The following CALCOCO2 variants were observed in gnomAD, a reference collection of about 807,000 sequenced individuals.
CALCOCO2 encodes the protein calcium binding and coiled-coil domain 2.
A neutral mutation model predicts 62.5 loss-of-function variants in CALCOCO2; 42 were observed. The ratio of observed to expected loss-of-function variants is 0.67; its 90% CI spans 0.53 to 0.87. The LOEUF (loss-of-function observed/expected upper bound fraction) is 0.87, where lower values mean the gene tolerates loss of function less well. Among genes scored for constraint, CALCOCO2 ranks in the 40% least tolerant of loss-of-function variants. The pLI, the probability that CALCOCO2 is intolerant of heterozygous loss-of-function variation, is 0.00. For synonymous variants in CALCOCO2, 167 were observed against 173.0 expected, an observed-to-expected ratio of 0.97 and a Z score of 0.27; for missense variants, 456 against 515.0, an observed-to-expected ratio of 0.89 and a Z score of 1.11.
chr17:48,859,086 A>G (rs2040288605), intron 10 of CALCOCO2, among the ~76,000 whole-genome samples: 1 of 145,150 alleles, frequency 6.9e-6, no homozygotes, highest in African/African-American at 2.5e-5. Context: ...ACTGTAGTAA[A>G]GCCCTCTTAA....
At chr17:48,838,901 G>A (rs1030131997) in intron 1 of CALCOCO2, among the ~76,000 whole-genome samples, 4 of 151,904 alleles carry the variant, frequency 2.6e-5, no homozygotes, top group African/African-American at 4.8e-5. Context: ...TGAGAATTAC[G>A]GACTCACTAA....
intron 7 of CALCOCO2, 129 bp from the exon 8 acceptor site, chr17:48,852,377 A>C: frequency 1.3e-6 from 1 of 743,040 alleles, no homozygotes; most frequent in Non-Finnish European, 2.2e-6. Flanking sequence ...GATTTGTCTA[A>C]TTTTACTCAG....
intron 10 of CALCOCO2, among the ~76,000 whole-genome samples, chr17:48,857,198 CTTTT>C (rs34508915): frequency 3.1e-5 from 4 of 128,136 alleles, no homozygotes; most frequent in Admixed American, 8.1e-5. Context: ...CATCTTTACC[CTTTT>C]TTTTTTTTTT....
At chr17:48,840,787 C>G (rs1009419380) in intron 1 of CALCOCO2, among the ~76,000 whole-genome samples, 1 of 152,122 alleles carries the variant, frequency 6.6e-6, no homozygotes, top group Admixed American at 6.5e-5. Flanking sequence ...ACTCCTCTAT[C>G]CTCTCTATTG....
At chr17:48,834,584 T>G (rs2039865087) in intron 1 of CALCOCO2, among the ~76,000 whole-genome samples, 1 of 152,248 alleles carries the variant, frequency 6.6e-6, no homozygotes, top group Non-Finnish European at 1.5e-5. Flanking sequence ...CTCGTCCCAC[T>G]AATTTTTCAT....
rs1232447605 is a variant in CALCOCO2 at position 48,864,994 on chromosome 17, A to C, written c.*1989A>C. 4 of 152,192 alleles carry C rather than the reference A, an allele frequency of 2.6e-5. No homozygotes were observed. The highest frequency in any genetic ancestry group is 5.9e-5 in the Non-Finnish European group (4 of 68,056). The allele number at this position is 152,192 out of a possible 1,614,324, so 9.4% of individuals were successfully genotyped here. Reference sequence around the variant, plus strand: ...AGAGGAACAGTGGTGCACATAATCCAAATCAGTGAATACCATTTTCTGGTG... The same window carrying C: ...AGAGGAACAGTGGTGCACATAATCCCAATCAGTGAATACCATTTTCTGGTG... On this transcript the variant is annotated 3_prime_UTR_variant, in exon 13 of 13. Transcript: ENST00000258947.
At chr17:48,857,332 G>A (rs1316713018) in intron 10 of CALCOCO2, among the ~76,000 whole-genome samples, 1 of 151,158 alleles carries the variant, frequency 6.6e-6, no homozygotes, top group East Asian at 2.0e-4. Flanking sequence ...TGAGTAGCTG[G>A]GATTACAGGC....
intron 2 of CALCOCO2, among the ~76,000 whole-genome samples, chr17:48,844,865 T>A (rs1468518101): frequency 6.6e-6 from 1 of 151,816 alleles, no homozygotes; most frequent in Non-Finnish European, 1.5e-5. Flanking sequence ...TTTGTCCAGG[T>A]GCGGTGGCTC....
rs1438091893 is a variant in CALCOCO2 at position 48,856,080 on chromosome 17, T to G, written c.913-12T>G. ...ATGTGATCCTAATCCTAATTTTTTTTATTGTTGACAGGATGAAAACTTTGA... is the reference window on the plus strand; with the variant it reads ...ATGTGATCCTAATCCTAATTTTTTTGATTGTTGACAGGATGAAAACTTTGA... On this transcript the variant is annotated splice_polypyrimidine_tract_variant and intron_variant, in intron 9 of 12. Coordinates refer to ENST00000258947, the MANE Select transcript of CALCOCO2 (RefSeq NM_005831.5). 3 of 1,464,190 alleles carry G rather than the reference T, an allele frequency of 2.0e-6. No individual in the cohort carries two copies. The Admixed American group carries it at 5.3e-5, about 26-fold the overall frequency. 90.7% of individuals were successfully genotyped at this position (1,464,190 alleles called of 1,614,324 possible).
intron 1 of CALCOCO2, among the ~76,000 whole-genome samples, chr17:48,837,622 G>A (rs934647348): frequency 1.3e-5 from 2 of 152,078 alleles, no homozygotes; most frequent in South Asian, 2.1e-4. Context: ...CTCCAGCCTG[G>A]GGAACAGAGC....
chr17:48,845,225 G>A (rs932595008), intron 2 of CALCOCO2, among the ~76,000 whole-genome samples: 9 of 152,000 alleles, frequency 5.9e-5, no homozygotes, highest in Admixed American at 2.6e-4. Context: ...AGAAATAATC[G>A]TTAATCTGAA....
chr17:48,831,222 T>C (rs1598017868), intron 1 of CALCOCO2, 144 bp downstream of exon 1: 2 of 151,820 alleles, frequency 1.3e-5, no homozygotes, highest in Admixed American at 1.3e-4. Flanking sequence ...ATAGTGGGAG[T>C]GGTGTTCTGA....
chr17:48,861,037 G>A (rs941092525), intron 11 of CALCOCO2, among the ~76,000 whole-genome samples: 1 of 152,180 alleles, frequency 6.6e-6, no homozygotes, highest in Non-Finnish European at 1.5e-5. Context: ...GTTACAACCA[G>A]ATGTTTATAA....
intron 1 of CALCOCO2, among the ~76,000 whole-genome samples, chr17:48,840,386 C>T (rs1256931460): frequency 6.6e-5 from 10 of 151,516 alleles, no homozygotes; most frequent in Non-Finnish European, 1.3e-4. Context: ...CCGCCTCTGC[C>T]TTCCAAAGTG....
rs544453163 is a variant in CALCOCO2 at position 48,862,309 on chromosome 17, G to A, written c.1173+5G>A. 4 of 1,578,296 alleles carry A rather than the reference G, an allele frequency of 2.5e-6. No individual in the cohort carries two copies. The highest frequency in any genetic ancestry group is 3.5e-6 in the Non-Finnish European group (4 of 1,147,514). On this transcript the variant is annotated splice_donor_5th_base_variant and intron_variant, in intron 12 of 12. Transcript: ENST00000258947. Reference sequence around the variant, plus strand: ...GAAAGTTCTTCCCCCAGCCCGGTAAGTATTTGATTCATGAGAATATTCCCA... The same window carrying A: ...GAAAGTTCTTCCCCCAGCCCGGTAAATATTTGATTCATGAGAATATTCCCA...
Position 48,841,915 on chromosome 17 carries a change from T to A in CALCOCO2, c.180+28T>A, listed in dbSNP as rs745327976. 2.6e-6 allele frequency: 4 copies of A among 1,537,056 alleles called. No individual in the cohort carries two copies. In the African/African-American group the frequency reaches 5.5e-5, roughly 21 times the overall value. ...AAGTGGTTAATTCAGTACCAAGTGA[T>A]CAGGAACTAGAGGTGATTCTTAGTT... On this transcript the variant is annotated intron_variant, in intron 2 of 12. Coordinates refer to ENST00000258947, the MANE Select transcript of CALCOCO2 (RefSeq NM_005831.5).
intron 1 of CALCOCO2, among the ~76,000 whole-genome samples, chr17:48,841,049 G>T (rs2039968864): frequency 6.6e-6 from 1 of 152,022 alleles, no homozygotes; most frequent in South Asian, 2.1e-4. Context: ...GTTATTTTTA[G>T]CCCCAATTTA....
chr17:48,841,789 G>A lies in CALCOCO2; in HGVS notation c.82G>A (p.Val28Met). 1 of 1,613,436 alleles carries A rather than the reference G, an allele frequency of 6.2e-7. No homozygotes were observed. The highest frequency in any genetic ancestry group is 1.6e-4 in the Middle Eastern group (1 of 6,062). ...TTTCTCTCAGGTCATCTTTAACAGT[G>A]TGGAGAAGTTCTACATCCCTGGAGG... ...CHFSQVIFNS[V>M]EKFYIPGGDV... is the part of the protein sequence containing the mutation. Residue 28 changes from valine to methionine, a missense_variant, in exon 2 of 13, where the codon GTG (valine) becomes ATG (methionine). Physicochemically the swap from Val to Met is conservative, Grantham distance 21. This residue lies in a region of CALCOCO2 where 48 missense variants were observed against 79.3 expected (regional missense o/e 0.61). Coordinates refer to ENST00000258947, the MANE Select transcript of CALCOCO2 (RefSeq NM_005831.5).
At chr17:48,856,248 C>A in intron 10 of CALCOCO2, 61 bp downstream of exon 10, 1 of 906,776 alleles carries the variant, frequency 1.1e-6, no homozygotes, top group Non-Finnish European at 1.8e-6. Flanking sequence ...CAGGGTGGCC[C>A]AGAGATGTAG....
Sources: allele counts gnomAD v4.1 joint callset (sites outside exome capture counted in the v4.1 genomes callset), GRCh38; gene constraint gnomAD v4.1.1; regional missense constraint gnomAD v4.1.1; transcripts MANE v1.5; gene names NCBI Gene and HGNC (gene_info 2026-07-23, HGNC 2026-07-21).